Variants in SLC4A7 observed in about 807,000 individuals in gnomAD.
SLC4A7 encodes the protein solute carrier family 4 member 7, also known as sodium bicarbonate cotransporter 3.
A neutral mutation model predicts 137.6 loss-of-function variants in SLC4A7; 51 were observed. The ratio of observed to expected loss-of-function variants is 0.37; its 90% CI spans 0.30 to 0.47. SLC4A7 has a LOEUF of 0.47. Ranked by LOEUF, SLC4A7 falls within the 20% of genes least tolerant of loss-of-function variation. The pLI is 1.00. For synonymous variants in SLC4A7, 542 were observed against 518.6 expected (o/e 1.05, Z -0.61); for missense variants, 1,247 against 1,525.4 (o/e 0.82, Z 3.04).
chr3:27,394,548 G>A lies in SLC4A7; in HGVS notation c.3087C>T (p.Gly1029=). 1 of 1,613,896 alleles carries A rather than the reference G, an allele frequency of 6.2e-7. No homozygotes were observed. Residue 1029 remains glycine, a synonymous_variant, in exon 20 of 26, where the codon GGC becomes GGT. Coordinates refer to ENST00000454389, the MANE Select transcript of SLC4A7 (RefSeq NM_001321103.2). ...GGACTGAAGTCATGAACACAGAGAG[G>A]CCCATTAGAATAAAAATCATTAGCC... ...VTGLMIFILM[G]LSVFMTSVLK...
At chr3:27,453,387 G>A (rs935866162) in intron 1 of SLC4A7, among the ~76,000 whole-genome samples, 1 of 152,160 alleles carries the variant, frequency 6.6e-6, no homozygotes, top group Admixed American at 6.5e-5. Context: ...GGCCAAGGTG[G>A]GCAGATCACC....
At chr3:27,431,728 C>A in intron 6 of SLC4A7, 59 bp from the exon 7 acceptor site, 2 of 1,450,964 alleles carry the variant, frequency 1.4e-6, no homozygotes, top group Non-Finnish European at 1.8e-6. Flanking sequence ...CAAATAGAGA[C>A]ATTTAAAAAA....
chr3:27,398,170 T>A, intron 17 of SLC4A7, 22 bp downstream of exon 17: 1 of 1,567,096 alleles, frequency 6.4e-7, no homozygotes, highest in Non-Finnish European at 8.7e-7. Flanking sequence ...TTACCAGAAT[T>A]CCAAAATTAT....
chr3:27,388,696 T>C (rs1372377552), intron 22 of SLC4A7, among the ~76,000 whole-genome samples: 1 of 152,138 alleles, frequency 6.6e-6, no homozygotes, highest in East Asian at 1.9e-4. Context: ...TTTTTACAGA[T>C]AAACATTTGG....
chr3:27,401,140 AGAT>A (rs1280952005), intron 15 of SLC4A7: 2 of 260,198 alleles, frequency 7.7e-6, no homozygotes, highest in Non-Finnish European at 1.5e-5. Context: ...TAAAAATCTA[AGAT>A]GATTCCACCA....
chr3:27,431,433 G>A lies in SLC4A7; in HGVS notation c.1015C>T (p.Gln339Ter). ...GGTGAAACCAGTAGTTCTGGGGCCT[G>A]ACGCTGACTCTCTTGGGAACTTCTG... ...TSRSSQESQR[Q>*]APELLVSPAS... The change falls in exon 7 of 26, where the codon CAG becomes TAG. Residue 339 changes from glutamine to a stop codon, truncating the protein, a stop_gained. Coordinates refer to ENST00000454389, the MANE Select transcript of SLC4A7 (RefSeq NM_001321103.2). LOFTEE classifies it high-confidence loss of function. The A allele has an allele frequency of 1.2e-6, 2 of 1,614,116 alleles. No homozygotes were observed. The highest frequency in any genetic ancestry group is 4.5e-5 in the East Asian group (2 of 44,880).
chr3:27,456,420 A>G (rs1347761146), intron 1 of SLC4A7, among the ~76,000 whole-genome samples: 1 of 152,230 alleles, frequency 6.6e-6, no homozygotes, highest in East Asian at 1.9e-4. Flanking sequence ...TCGTTCAAGT[A>G]ATATTAACTA....
chr3:27,474,246 C>T (rs940634067), intron 1 of SLC4A7, among the ~76,000 whole-genome samples: 3 of 152,136 alleles, frequency 2.0e-5, no homozygotes, highest in South Asian at 2.1e-4. Flanking sequence ...TAACAGAGGC[C>T]TCCATCATCA....
At chr3:27,483,460 C>T (rs1175032950) in intron 1 of SLC4A7, among the ~76,000 whole-genome samples, 1 of 152,222 alleles carries the variant, frequency 6.6e-6, no homozygotes, top group Non-Finnish European at 1.5e-5. Flanking sequence ...CGGCAGGCAA[C>T]AGCGAAAGAG....
intron 1 of SLC4A7, among the ~76,000 whole-genome samples, chr3:27,470,004 G>T (rs552639559): frequency 3.3e-5 from 5 of 151,998 alleles, no homozygotes; most frequent in Non-Finnish European, 7.4e-5. Context: ...CCATGTATTG[G>T]CATACATATA....
At chr3:27,472,239 A>G (rs1286589693) in intron 1 of SLC4A7, among the ~76,000 whole-genome samples, 1 of 152,246 alleles carries the variant, frequency 6.6e-6, no homozygotes, top group Non-Finnish European at 1.5e-5. Context: ...TTATATAAAA[A>G]TTGAATACAT....
chr3:27,382,885 T>C (rs752053232), intron 24 of SLC4A7, among the ~76,000 whole-genome samples: 4 of 152,278 alleles, frequency 2.6e-5, no homozygotes, highest in Admixed American at 6.5e-5. Context: ...CTAAGATAGA[T>C]GGAGTGATAG....
chr3:27,409,254 G>C, intron 13 of SLC4A7, 102 bp downstream of exon 13: 1 of 924,056 alleles, frequency 1.1e-6, no homozygotes, highest in Non-Finnish European at 1.6e-6. Context: ...ATCATGCTGT[G>C]GGTAGACTCT....
chr3:27,475,040 G>C (rs1400415677), intron 1 of SLC4A7, among the ~76,000 whole-genome samples: 1 of 152,096 alleles, frequency 6.6e-6, no homozygotes, highest in Non-Finnish European at 1.5e-5. Context: ...AACCTGGGAG[G>C]TGGAGGTTGC....
At chr3:27,446,263 T>C (rs1210071053) in intron 3 of SLC4A7, among the ~76,000 whole-genome samples, 1 of 151,856 alleles carries the variant, frequency 6.6e-6, no homozygotes, top group Non-Finnish European at 1.5e-5. Context: ...AATAAAATGG[T>C]GAGAAAATTT....
chr3:27,434,992 T>TATTA (rs2056621896), intron 5 of SLC4A7, among the ~76,000 whole-genome samples: 1 of 152,186 alleles, frequency 6.6e-6, no homozygotes, highest in Non-Finnish European at 1.5e-5. Context: ...AACCCATATG[T>TATTA]ATTATACAAA....
intron 1 of SLC4A7, among the ~76,000 whole-genome samples, chr3:27,455,109 G>T (rs966915174): frequency 6.6e-6 from 1 of 151,386 alleles, no homozygotes; most frequent in Non-Finnish European, 1.5e-5. Flanking sequence ...CAACTTCTCT[G>T]AACTTTCATT....
intron 10 of SLC4A7, among the ~76,000 whole-genome samples, chr3:27,419,179 A>G (rs376699108): frequency 1.3e-5 from 2 of 152,122 alleles, no homozygotes; most frequent in East Asian, 3.9e-4. Flanking sequence ...ATAAATAAAT[A>G]ATTATAGGTA....
chr3:27,464,316 A>G (rs1432770056), intron 1 of SLC4A7, among the ~76,000 whole-genome samples: 1 of 152,210 alleles, frequency 6.6e-6, no homozygotes, highest in Non-Finnish European at 1.5e-5. Flanking sequence ...GTTTCTCTAG[A>G]GAGATTAAAG....
Sources: allele counts gnomAD v4.1 joint callset (sites outside exome capture counted in the v4.1 genomes callset), GRCh38; gene constraint gnomAD v4.1.1; transcripts MANE v1.5; gene names NCBI Gene and HGNC (gene_info 2026-07-23, HGNC 2026-07-21).